Variants in RMST observed in about 807,000 individuals in gnomAD.
RMST encodes the protein rhabdomyosarcoma 2 associated transcript.
chr12:97,512,220 C>G (rs961314293), intron 10 of RMST, among the ~76,000 whole-genome samples: 4 of 151,958 alleles, frequency 2.6e-5, no homozygotes, highest in Non-Finnish European at 4.4e-5. Context: ...GCGTTCCTCC[C>G]GGTGGGTTCA....
chr12:97,509,198 A>G (rs902656302), intron 10 of RMST, among the ~76,000 whole-genome samples: 23 of 152,210 alleles, frequency 1.5e-4, no homozygotes, highest in Admixed American at 3.3e-4. Context: ...ACCTTTAGAA[A>G]GGGAGCATTA....
At chr12:97,494,844 A>T (rs1877222882) in exon 9 of RMST, 1 of 152,174 alleles carries the variant, frequency 6.6e-6, no homozygotes, top group South Asian at 2.1e-4. Flanking sequence ...ATAAAATCAC[A>T]GGGAAAATGC....
At chr12:97,540,966 A>ATAGAT (rs1882462072) in intron 11 of RMST, among the ~76,000 whole-genome samples, 1 of 151,198 alleles carries the variant, frequency 6.6e-6, no homozygotes, top group African/African-American at 2.4e-5. Flanking sequence ...AGATATAGAT[A>ATAGAT]TAGATATAGA....
rs1472595064 is a variant in RMST at position 97,528,433 on chromosome 12, T to C, written n.1341-2222T>C. On this transcript the variant is annotated intron_variant and non_coding_transcript_variant, in intron 10 of 13. Coordinates refer to ENST00000640149, the Ensembl canonical transcript of RMST. ...TAGATACTATTGCAATGAAAAAACATTGTGTACATAGCATTATTTTATTCT... is the reference window on the plus strand; with the variant it reads ...TAGATACTATTGCAATGAAAAAACACTGTGTACATAGCATTATTTTATTCT... 4.3e-4 allele frequency among the ~76,000 whole-genome samples: 66 copies of C among 152,246 alleles called. 1 individual carries two copies. Among genetic ancestry groups the C allele is most frequent in the Non-Finnish European group, 8.8e-5 (6 of 68,006 alleles).
intron 7 of RMST, among the ~76,000 whole-genome samples, chr12:97,493,640 T>A (rs773588999): frequency 5.3e-5 from 8 of 152,172 alleles, no homozygotes; most frequent in Admixed American, 3.9e-4. Flanking sequence ...TAACCAAGAA[T>A]GCAGCAACCC....
intron 10 of RMST, among the ~76,000 whole-genome samples, chr12:97,498,586 T>G (rs1877725991): frequency 2.0e-5 from 2 of 101,152 alleles, no homozygotes; most frequent in Non-Finnish European, 4.0e-5. Flanking sequence ...TTTTTCTGTG[T>G]AATGCATTAT....
intron 10 of RMST, among the ~76,000 whole-genome samples, chr12:97,515,444 A>G (rs1315597057): frequency 6.6e-6 from 1 of 152,152 alleles, no homozygotes; most frequent in Non-Finnish European, 1.5e-5. Context: ...ATGCATGGCT[A>G]AAGTACAGAA....
At chr12:97,477,348 A>G (rs1273601116) in intron 5 of RMST, among the ~76,000 whole-genome samples, 1 of 152,196 alleles carries the variant, frequency 6.6e-6, no homozygotes, top group African/African-American at 2.4e-5. Flanking sequence ...ACTTGGAGCC[A>G]TGGAAAGGCA....
At chr12:97,516,020 A>G (rs1339105709) in intron 10 of RMST, among the ~76,000 whole-genome samples, 2 of 151,926 alleles carry the variant, frequency 1.3e-5, no homozygotes, top group Admixed American at 1.3e-4. Context: ...TCTTTCCTAG[A>G]TGCTCTCTGT....
intron 10 of RMST, among the ~76,000 whole-genome samples, chr12:97,524,075 C>CAAA (rs537840796): frequency 1.1e-4 from 6 of 56,126 alleles, no homozygotes; most frequent in South Asian, 7.7e-4. Context: ...GACTCTGTCT[C>CAAA]AAAAAAAAAA....
At chr12:97,543,613 T>A (rs1236798831) in intron 11 of RMST, among the ~76,000 whole-genome samples, 2 of 152,026 alleles carry the variant, frequency 1.3e-5, no homozygotes, top group Non-Finnish European at 2.9e-5. Flanking sequence ...TGACTATGAA[T>A]AATGCTCCTG....
At chr12:97,486,627 T>C (rs1876147959) in intron 5 of RMST, among the ~76,000 whole-genome samples, 1 of 152,222 alleles carries the variant, frequency 6.6e-6, no homozygotes. Context: ...AAATGGCTTC[T>C]GTATATATTA....
intron 11 of RMST, among the ~76,000 whole-genome samples, chr12:97,559,611 C>G (rs1178440033): frequency 6.6e-6 from 1 of 152,154 alleles, no homozygotes; most frequent in African/African-American, 2.4e-5. Flanking sequence ...AACCAACGTC[C>G]AGTTTCTAGA....
chr12:97,508,442 CTCCTGGGG>C (rs1324010639), intron 10 of RMST, among the ~76,000 whole-genome samples: 7 of 152,282 alleles, frequency 4.6e-5, no homozygotes, highest in South Asian at 4.1e-4. Flanking sequence ...AGATTTCCTC[CTCCTGGGG>C]TCCTTTATTC....
rs76161899 is a variant in RMST, at chr12:97,510,923, G to T, written n.1340+14867G>T. ...TGTGCAAACACAATTTATTCACATGGAGTCCATAATTGGGATCTTGTTTCT... is the reference window on the plus strand; with the variant it reads ...TGTGCAAACACAATTTATTCACATGTAGTCCATAATTGGGATCTTGTTTCT... On this transcript the variant is annotated intron_variant and non_coding_transcript_variant, in intron 10 of 13. Transcript: ENST00000640149. Among the ~76,000 whole-genome samples the T allele has an allele frequency of 5.1e-3, 782 of 152,044 alleles. 6 individuals are homozygous for T. Among genetic ancestry groups the T allele is most frequent in the Non-Finnish European group, 8.4e-3 (568 of 67,980 alleles).
chr12:97,531,969 T>C (rs945260627), intron 11 of RMST, among the ~76,000 whole-genome samples: 2 of 151,986 alleles, frequency 1.3e-5, no homozygotes, highest in African/African-American at 2.4e-5. Flanking sequence ...CATTTTAAAA[T>C]TTGACAATCA....
chr12:97,479,649 G>A lies in RMST; in HGVS notation n.645-12812G>A, dbSNP rs547390061. 2.0e-5 allele frequency among the ~76,000 whole-genome samples: 3 copies of A among 152,100 alleles called. No individual in the cohort carries two copies. The East Asian group carries it at 5.8e-4, about 29-fold the overall frequency. On this transcript the variant is annotated intron_variant and non_coding_transcript_variant, in intron 5 of 13. Coordinates refer to ENST00000640149, the Ensembl canonical transcript of RMST. ...GGCTTCCACTGTACCATACCCTCTGGGTGGTCTTCTAATTATGTCTTTTTG... is the reference window on the plus strand; with the variant it reads ...GGCTTCCACTGTACCATACCCTCTGAGTGGTCTTCTAATTATGTCTTTTTG...
At chr12:97,557,703 C>G (rs565994465) in intron 11 of RMST, among the ~76,000 whole-genome samples, 75 of 152,216 alleles carry the variant, frequency 4.9e-4, no homozygotes, top group African/African-American at 1.7e-3. Context: ...CTGGGGGTCA[C>G]TTTGTACTGG....
rs544420790 is a variant in RMST at position 97,489,744 on chromosome 12, A to G, written n.645-2717A>G. Among the ~76,000 whole-genome samples the G allele has an allele frequency of 6.6e-5, 10 of 152,350 alleles. No homozygotes were observed. The South Asian group carries it at 1.0e-3, about 16-fold the overall frequency. On this transcript the variant is annotated intron_variant and non_coding_transcript_variant, in intron 5 of 13. Transcript: ENST00000640149. ...CTTAGTTGCAGCTGAAGGCTAGTCTATATAAACTAAATATAATAATAACAA... is the reference window on the plus strand; with the variant it reads ...CTTAGTTGCAGCTGAAGGCTAGTCTGTATAAACTAAATATAATAATAACAA...
Sources: gnomAD v4.1 joint callset for allele counts (sites outside exome capture counted in the v4.1 genomes callset) on GRCh38, gnomAD v4.1.1 for gene constraint, MANE v1.5 for transcripts, NCBI Gene and HGNC (gene_info 2026-07-23, HGNC 2026-07-21) for gene names.